ZNF415: variants seen among roughly 807,000 people sequenced by gnomAD.
ZNF415 encodes zinc finger protein 415.
A neutral mutation model predicts 7.3 loss-of-function variants in ZNF415; 5 were observed. The ratio of observed to expected loss-of-function variants is 0.69; its 90% CI spans 0.36 to 1.44. ZNF415 has a LOEUF of 1.44. Ranked by LOEUF, ZNF415 falls within the 40% of genes most tolerant of loss-of-function variation. The probability of loss-of-function intolerance (pLI) is 0.04; values close to 1 mark genes in which losing one functional copy is unlikely to be tolerated. For synonymous variants in ZNF415, 207 were observed against 226.3 expected, an observed-to-expected ratio of 0.91 and a Z score of 0.77; for missense variants, 628 against 664.8, an observed-to-expected ratio of 0.94 and a Z score of 0.61.
At chr19:53,111,597 C>T (rs2086256332) in intron 3 of ZNF415, among the ~76,000 whole-genome samples, 1 of 152,030 alleles carries the variant, frequency 6.6e-6, no homozygotes, top group South Asian at 2.1e-4. Context: ...CCCACCACAG[C>T]CTCCCAAAGT....
rs575346662 is a variant in ZNF415, at chr19:53,116,418, C to A, written c.31G>T (p.Val11Leu). The change falls in exon 3 of 4, where the codon GTG becomes TTG. Residue 11 changes from valine (V) to leucine (L), a missense_variant. Coordinates refer to ENST00000243643, the MANE Select transcript of ZNF415 (RefSeq NM_018355.4). MAFTQLTFRD[V>L]AIEFSQDEWK... ...TCATCTTGAGAGAATTCGATGGCCA[C>A]GTCCCTGAATGTCAACTGTCCGTAA... 3.1e-6 allele frequency: 5 copies of A among 1,613,954 alleles called. No homozygotes were observed. Among genetic ancestry groups the A allele is most frequent in the Non-Finnish European group, 4.2e-6 (5 of 1,180,014 alleles).
rs1017469342 is a variant in ZNF415, at chr19:53,108,088, C to T, written c.*289G>A. ...CACAAAATATACAAAGATGTTTACA[C>T]ATTTTGATGTCTAGTGAGTTGTGAG... On this transcript the variant is annotated 3_prime_UTR_variant, in exon 4 of 4. Coordinates refer to ENST00000243643, the MANE Select transcript of ZNF415 (RefSeq NM_018355.4). The T allele has an allele frequency of 5.3e-6, 2 of 375,472 alleles. No individual in the cohort carries two copies. The highest frequency in any genetic ancestry group is 9.5e-6 in the Non-Finnish European group (2 of 211,154). 23.3% of individuals were successfully genotyped at this position (375,472 alleles called of 1,614,324 possible).
chr19:53,125,738 G>A (rs1328247205), intron 1 of ZNF415, among the ~76,000 whole-genome samples: 1 of 151,958 alleles, frequency 6.6e-6, no homozygotes, highest in Non-Finnish European at 1.5e-5. Flanking sequence ...GGGAGTTTGA[G>A]GCCAGCCTGA....
chr19:53,119,125 CA>C (rs2087539028), intron 2 of ZNF415, among the ~76,000 whole-genome samples: 1 of 151,572 alleles, frequency 6.6e-6, no homozygotes, highest in Non-Finnish European at 1.5e-5. Context: ...TAAAAAAATA[CA>C]AAAAAATTAG....
intron 2 of ZNF415, among the ~76,000 whole-genome samples, chr19:53,117,107 C>T (rs1411928661): frequency 6.6e-6 from 1 of 152,154 alleles, no homozygotes; most frequent in African/African-American, 2.4e-5. Flanking sequence ...AAAATGTCTT[C>T]TTGGCACATT....
chr19:53,117,639 T>C (rs1004563580), intron 2 of ZNF415, among the ~76,000 whole-genome samples: 4 of 152,032 alleles, frequency 2.6e-5, no homozygotes, highest in African/African-American at 9.7e-5. Context: ...TCAGCAAAAT[T>C]ATCCTTCATA....
In ZNF415 at chr19:53,108,713, C is replaced by G. The variant is rs139285481; in HGVS notation, c.1332G>C (p.Glu444Asp). The change falls in exon 4 of 4, where the codon GAG becomes GAC. Residue 444 changes from glutamate to aspartate, a missense_variant. Glu to Asp is a conservative substitution (Grantham distance 45). Transcript: ENST00000243643. The stretch of plus-strand genomic sequence containing the variant: ...AATGCACACTAAAGGCTTTCCCACA[C>G]TCATTACACTTGTAAGGTTTCTCTC... ...HTGEKPYKCNECGKAFSVHSN... is the reference protein window; with the variant it reads ...HTGEKPYKCNDCGKAFSVHSN... 4.8e-5 allele frequency: 77 copies of G among 1,614,176 alleles called. No individual in the cohort carries two copies. Among genetic ancestry groups the G allele is most frequent in the South Asian group, 4.0e-4 (36 of 91,088 alleles).
Position 53,109,669 on chromosome 19 carries a change from C to T in ZNF415, c.376G>A (p.Asp126Asn), listed in dbSNP as rs568925810. ...GACTTGTTTCCTATACCTCTTCTATCGCGTTGGTCTCTCCTACAAGTAAGA... is the reference window on the plus strand; with the variant it reads ...GACTTGTTTCCTATACCTCTTCTATTGCGTTGGTCTCTCCTACAAGTAAGA... ...ENLTCRRDQRDRRGIGNKSIK... is the reference protein window; with the variant it reads ...ENLTCRRDQRNRRGIGNKSIK... The change falls in exon 4 of 4, where the codon GAT becomes AAT. Residue 126 changes from aspartate to asparagine, a missense_variant. By Grantham distance (23) the Asp-to-Asn change is conservative. Coordinates refer to ENST00000243643, the MANE Select transcript of ZNF415 (RefSeq NM_018355.4). The T allele has an allele frequency of 1.1e-5, 18 of 1,614,118 alleles. No homozygotes were observed. Among genetic ancestry groups the T allele is most frequent in the East Asian group, 4.5e-5 (2 of 44,866 alleles).
At chr19:53,112,271 A>T (rs969644868) in intron 3 of ZNF415, among the ~76,000 whole-genome samples, 4 of 152,158 alleles carry the variant, frequency 2.6e-5, no homozygotes, top group Non-Finnish European at 2.9e-5. Flanking sequence ...GCACATGTCC[A>T]CCCACAGGCA....
chr19:53,115,385 G>A (rs1163130470), intron 3 of ZNF415: 2 of 312,952 alleles, frequency 6.4e-6, no homozygotes, highest in African/African-American at 2.1e-5. Context: ...CACGGGAGAA[G>A]TAGACCCTTG....
intron 1 of ZNF415, among the ~76,000 whole-genome samples, chr19:53,128,034 C>T (rs570472571): frequency 2.0e-5 from 3 of 152,248 alleles, no homozygotes; most frequent in South Asian, 4.1e-4. Context: ...CACAAGCATG[C>T]GTGGGACAGG....
chr19:53,126,201 C>A (rs533613974), intron 1 of ZNF415, among the ~76,000 whole-genome samples: 2 of 151,202 alleles, frequency 1.3e-5, no homozygotes, highest in Non-Finnish European at 2.9e-5. Flanking sequence ...CTGAGCAGGA[C>A]CAGCTGAGGG....
At chr19:53,115,681 T>C (rs1950962839) in intron 3 of ZNF415, 1 of 1,517,492 alleles carries the variant, frequency 6.6e-7, no homozygotes, top group Admixed American at 2.0e-5. Flanking sequence ...TGTGGCTTCC[T>C]CTCCCCTCAT....
At chr19:53,110,151 C>T (rs1187427230) in intron 3 of ZNF415, among the ~76,000 whole-genome samples, 1 of 152,094 alleles carries the variant, frequency 6.6e-6, no homozygotes, top group African/African-American at 2.4e-5. Flanking sequence ...ATGACCAAAA[C>T]ACATTGTACA....
At chr19:53,122,323 A>G in intron 2 of ZNF415, 1 of 1,373,242 alleles carries the variant, frequency 7.3e-7, no homozygotes, top group Non-Finnish European at 1.0e-6. Flanking sequence ...TTCCTGGGCT[A>G]CGGAGAGCCG....
At chr19:53,126,092 A>G (rs2089038917) in intron 1 of ZNF415, among the ~76,000 whole-genome samples, 1 of 150,844 alleles carries the variant, frequency 6.6e-6, no homozygotes. Flanking sequence ...ACAGGGTGAC[A>G]CTAGTGCACC....
chr19:53,117,166 G>T (rs988247921), intron 2 of ZNF415, among the ~76,000 whole-genome samples: 3 of 152,156 alleles, frequency 2.0e-5, no homozygotes, highest in African/African-American at 7.2e-5. Flanking sequence ...ATTCGGCTGG[G>T]CGTGGTGGCT....
chr19:53,132,117 C>G (rs1423380519), intron 1 of ZNF415, among the ~76,000 whole-genome samples: 3 of 152,164 alleles, frequency 2.0e-5, no homozygotes, highest in Non-Finnish European at 4.4e-5. Context: ...ACTTTCTCGG[C>G]TTCTTCTTCC....
At chr19:53,116,273 C>G (rs1010781525) in intron 3 of ZNF415, 40 bp downstream of exon 3, 1 of 1,579,890 alleles carries the variant, frequency 6.3e-7, no homozygotes, top group African/African-American at 1.4e-5. Flanking sequence ...GGAAAGATAC[C>G]AAGGGCAGAT....
Sources: allele counts gnomAD v4.1 joint callset (sites outside exome capture counted in the v4.1 genomes callset), GRCh38; gene constraint gnomAD v4.1.1; transcripts MANE v1.5; gene names NCBI Gene and HGNC (gene_info 2026-07-23, HGNC 2026-07-21).